Variants in SCN1A observed in about 807,000 individuals in gnomAD.
The protein encoded by SCN1A is sodium channel protein type 1 subunit alpha.
Under a neutral mutation model 193.7 loss-of-function variants are expected in SCN1A, and 13 were observed. That is an observed-to-expected ratio of 0.07 (90% confidence interval 0.04 to 0.11). SCN1A has a LOEUF of 0.11. SCN1A is among the 10% of genes least tolerant of loss of function. The probability of loss-of-function intolerance (pLI) is 1.00; values close to 1 mark genes in which losing one functional copy is unlikely to be tolerated. For synonymous variants in SCN1A, 781 were observed against 843.6 expected, an observed-to-expected ratio of 0.93 and a Z score of 1.29; for missense variants, 1,432 against 2,451.1, an observed-to-expected ratio of 0.58 and a Z score of 8.78.
At chr2:166,033,523 G>A (rs1459193604) in intron 19 of SCN1A, among the ~76,000 whole-genome samples, 1 of 151,756 alleles carries the variant, frequency 6.6e-6, no homozygotes, top group African/African-American at 2.4e-5. Context: ...AAAAAAACTG[G>A]CCTATTAAAG....
rs183127943 is a variant in SCN1A at position 165,987,896 on chromosome 2, C to A, written c.*3349G>T. ...GGGTTTATCCTATAATTCTGACCTA[C>A]CTTAGTTGGAAATGGGAATTTTTTT... On this transcript the variant is annotated 3_prime_UTR_variant, in exon 29 of 29. Transcript: ENST00000674923. 1 of 152,030 alleles carries A rather than the reference C, an allele frequency of 6.6e-6. No homozygotes were observed. Among genetic ancestry groups the A allele is most frequent in the Non-Finnish European group, 1.5e-5 (1 of 67,996 alleles). The allele number at this position is 152,030 out of a possible 1,614,324, so 9.4% of individuals were successfully genotyped here.
chr2:166,054,518 T>C, intron 7 of SCN1A, 120 bp downstream of exon 7: 1 of 1,040,630 alleles, frequency 9.6e-7, no homozygotes, highest in Non-Finnish European at 1.5e-6. Flanking sequence ...AAATCCAGAG[T>C]TTGAATGTAT....
chr2:166,032,696 T>G (rs1396613963), intron 19 of SCN1A, among the ~76,000 whole-genome samples: 1 of 152,092 alleles, frequency 6.6e-6, no homozygotes, highest in African/African-American at 2.4e-5. Flanking sequence ...AGGGGATAAA[T>G]AGAAGTTTCA....
intron 2 of SCN1A, among the ~76,000 whole-genome samples, chr2:166,124,472 G>A (rs13008617): frequency 0.081 from 12,257 of 152,078 alleles, 571 homozygotes; most frequent in Middle Eastern, 0.21. Flanking sequence ...ACTTCAACCC[G>A]GGAGGCAGAA....
In SCN1A at chr2:166,012,099, C is replaced by A. The variant is rs202002728; in HGVS notation, c.3879+10G>T. On this transcript the variant is annotated intron_variant, in intron 22 of 28. Coordinates refer to ENST00000674923, the MANE Select transcript of SCN1A (RefSeq NM_001165963.4). The stretch of plus-strand genomic sequence containing the variant: ...CCTTGAACAGAGACAAAAATATGAA[C>A]GATACCTACATCAACAATTAAGAAG... 1 of 1,608,416 alleles carries A rather than the reference C, an allele frequency of 6.2e-7. No individual in the cohort carries two copies. Among genetic ancestry groups the A allele is most frequent in the Admixed American group, 1.7e-5 (1 of 59,644 alleles).
chr2:166,116,004 A>T (rs550944461), intron 2 of SCN1A, among the ~76,000 whole-genome samples: 2 of 152,212 alleles, frequency 1.3e-5, no homozygotes, highest in Non-Finnish European at 2.9e-5. Flanking sequence ...AGAGATAGAA[A>T]CAGCTTTAGG....
Position 166,009,825 on chromosome 2 carries a change from A to G in SCN1A, c.3896T>C (p.Leu1299Ser), listed in dbSNP as rs769062565. 3.7e-6 allele frequency: 6 copies of G among 1,606,934 alleles called. No homozygotes were observed. In the South Asian group the frequency reaches 6.6e-5, roughly 18 times the overall value. Residue 1299 changes from leucine to serine, a missense_variant, in exon 23 of 29, where the codon TTA becomes TCA. Physicochemically the swap from Leu to Ser is moderately radical, Grantham distance 145. Transcript: ENST00000674923. ...TGAGTAACCCAAGGCATTTGCTGTTAAACTGACCAATGAAACCTGCACACA... is the reference window on the plus strand; with the variant it reads ...TGAGTAACCCAAGGCATTTGCTGTTGAACTGACCAATGAAACCTGCACACA... ...FLIVDVSLVS[L>S]TANALGYSEL...
At chr2:166,047,475 G>A (rs2105865589) in intron 11 of SCN1A, 152 bp downstream of exon 11, 1 of 857,276 alleles carries the variant, frequency 1.2e-6, no homozygotes, top group Non-Finnish European at 1.9e-6. Context: ...ACTCTGCTCA[G>A]TATGTGTTAT....
In SCN1A at chr2:166,095,669, G is replaced by A. The variant is rs550043377; in HGVS notation, c.-141-17868C>T. Among the ~76,000 whole-genome samples the A allele has an allele frequency of 3.3e-5, 5 of 152,232 alleles. No individual in the cohort carries two copies. The South Asian group carries it at 1.0e-3, about 32-fold the overall frequency. On this transcript the variant is annotated intron_variant, in intron 2 of 28. Transcript: ENST00000674923. ...CCTGTTATTTGTATAGTTTGTTCTT[G>A]GTTCAAAATATACTACACGCTAACC...
At position 166,054,528 on chromosome 2, in the gene SCN1A, T is replaced by C. The variant is rs548193463; in HGVS notation, c.602+110A>G. 2.1e-4 allele frequency: 251 copies of C among 1,188,416 alleles called. 3 individuals are homozygous for C. In the South Asian group the frequency reaches 3.1e-3, roughly 15 times the overall value. The allele number at this position is 1,188,416 out of a possible 1,614,324, so 73.6% of individuals were successfully genotyped here. On this transcript the variant is annotated intron_variant, in intron 7 of 28. Coordinates refer to ENST00000674923, the MANE Select transcript of SCN1A (RefSeq NM_001165963.4). Reference sequence around the variant, plus strand: ...AATTGAAATCCAGAGTTTGAATGTATAAATCACACCAAAATATTCTACAGG... The same window carrying C: ...AATTGAAATCCAGAGTTTGAATGTACAAATCACACCAAAATATTCTACAGG...
chr2:166,099,351 G>C (rs1414461560), intron 2 of SCN1A, among the ~76,000 whole-genome samples: 4 of 150,834 alleles, frequency 2.7e-5, no homozygotes, highest in Admixed American at 2.6e-4. Context: ...AGGTATTGAT[G>C]GGACGTATCT....
rs199556404 is a variant in SCN1A at position 166,047,001 on chromosome 2, T to C, written c.1171-25A>G. On this transcript the variant is annotated intron_variant, in intron 11 of 28. Transcript: ENST00000674923. Reference sequence around the variant, plus strand: ...TCTGCAAACAAAAATATCAGAATTATTTCTCAATATTATTTCACTAAGTGG... The same window carrying C: ...TCTGCAAACAAAAATATCAGAATTACTTCTCAATATTATTTCACTAAGTGG... 9.6e-5 allele frequency: 155 copies of C among 1,610,240 alleles called. 1 individual carries two copies. In the African/African-American group the frequency reaches 1.8e-3, roughly 19 times the overall value.
At position 165,987,882 on chromosome 2, in the gene SCN1A, A is replaced by G. The variant is rs1688707046; in HGVS notation, c.*3363T>C. 1 of 152,166 alleles carries G rather than the reference A, an allele frequency of 6.6e-6. No individual in the cohort carries two copies. Among genetic ancestry groups the G allele is most frequent in the Non-Finnish European group, 1.5e-5 (1 of 68,020 alleles). 9.4% of individuals were successfully genotyped at this position (152,166 alleles called of 1,614,324 possible). A position where few individuals can be genotyped will look rare whatever the true frequency, so the allele number is the denominator to read the frequency against. ...ATAAAAAGTCTGCAGGGTTTATCCT[A>G]TAATTCTGACCTACCTTAGTTGGAA... On this transcript the variant is annotated 3_prime_UTR_variant, in exon 29 of 29. Transcript: ENST00000674923.
chr2:166,003,346 G>C (rs1016358344), intron 23 of SCN1A, among the ~76,000 whole-genome samples: 1 of 151,440 alleles, frequency 6.6e-6, no homozygotes, highest in Admixed American at 6.6e-5. Context: ...TCATCACATC[G>C]TTTATTTCAA....
chr2:166,121,006 GT>G (rs1690522581), intron 2 of SCN1A, among the ~76,000 whole-genome samples: 1 of 150,574 alleles, frequency 6.6e-6, no homozygotes, highest in Non-Finnish European at 1.5e-5. Flanking sequence ...TCAAGGAACT[GT>G]TAGTTAAGTT....
intron 11 of SCN1A, 46 bp downstream of exon 11, chr2:166,047,581 T>C (rs1431397976): frequency 1.9e-6 from 3 of 1,604,288 alleles, no homozygotes; most frequent in Non-Finnish European, 2.6e-6. Flanking sequence ...ATTGGTTTTC[T>C]TGTATACTTT....
intron 2 of SCN1A, among the ~76,000 whole-genome samples, chr2:166,083,050 T>C (rs1441554296): frequency 6.6e-6 from 1 of 152,046 alleles, no homozygotes; most frequent in African/African-American, 2.4e-5. Flanking sequence ...TAAAAATAAC[T>C]AGGTAAAATG....
chr2:166,074,650 C>T (rs1333486563), intron 3 of SCN1A, among the ~76,000 whole-genome samples: 2 of 152,200 alleles, frequency 1.3e-5, no homozygotes, highest in Non-Finnish European at 2.9e-5. Context: ...TTAATATGAG[C>T]TCAGATTTCA....
intron 2 of SCN1A, among the ~76,000 whole-genome samples, chr2:166,090,775 C>T (rs942079322): frequency 3.9e-5 from 6 of 152,150 alleles, no homozygotes; most frequent in African/African-American, 1.4e-4. Flanking sequence ...TTAATTAAAA[C>T]TTATACTAGA....
Sources: allele counts gnomAD v4.1 joint callset (sites outside exome capture counted in the v4.1 genomes callset), GRCh38; gene constraint gnomAD v4.1.1; transcripts MANE v1.5; gene names NCBI Gene and HGNC (gene_info 2026-07-23, HGNC 2026-07-21).